The following ARHGEF2 variants were observed in gnomAD, a reference collection of about 807,000 sequenced individuals.
ARHGEF2 encodes the protein Rho/Rac guanine nucleotide exchange factor 2.
In ARHGEF2, 22 loss-of-function variants were observed where a neutral mutation model predicts 121.0. The ratio of observed to expected loss-of-function variants is 0.18; its 90% CI spans 0.13 to 0.26. The LOEUF (loss-of-function observed/expected upper bound fraction) is 0.26, where lower values mean the gene tolerates loss of function less well. ARHGEF2 is among the 10% of genes least tolerant of loss of function. The pLI, the probability that ARHGEF2 is intolerant of heterozygous loss-of-function variation, is 1.00. For missense variants in ARHGEF2, 907 were observed against 1,336.0 expected (o/e 0.68, Z 5.01); for synonymous variants, 487 against 530.0 (o/e 0.92, Z 1.11).
chr1:155,962,500 C>T lies in ARHGEF2; in HGVS notation c.1101+93G>A, dbSNP rs1456266045. The T allele has an allele frequency of 1.3e-6, 2 of 1,554,694 alleles. No homozygotes were observed. The highest frequency in any genetic ancestry group is 2.2e-5 in the East Asian group (1 of 44,488). On this transcript the variant is annotated intron_variant, in intron 9 of 21. Coordinates refer to ENST00000361247, the MANE Select transcript of ARHGEF2 (RefSeq NM_001162383.2). The surrounding 1 kb of genome is among the most constrained non-coding windows in gnomAD (Gnocchi z 5.8). ...GTCTGCACGGGTGGCGAATGCCTGA[C>T]CTCCATGTGGGTGCAGCTCACAGGC...
intron 1 of ARHGEF2, among the ~76,000 whole-genome samples, chr1:155,972,044 C>T (rs985787784): frequency 5.9e-5 from 9 of 152,130 alleles, no homozygotes; most frequent in Non-Finnish European, 8.8e-5. Context: ...CTCTTCCACA[C>T]CTGACCTCTG....
intron 1 of ARHGEF2, chr1:155,970,434 G>GTGACTC: frequency 1.1e-5 from 11 of 985,468 alleles, no homozygotes; most frequent in Non-Finnish European, 1.3e-5. Context: ...TTCCTTAGTT[G>GTGACTC]TGACTCTGAT....
At chr1:155,973,599 G>A (rs1376239765) in intron 1 of ARHGEF2, among the ~76,000 whole-genome samples, 1 of 151,982 alleles carries the variant, frequency 6.6e-6, no homozygotes, top group African/African-American at 2.4e-5. Context: ...TACAAAAATT[G>A]GCCGGGTATG....
At position 155,978,357 on chromosome 1, in the gene ARHGEF2, G is replaced by C. The variant is rs1308125897; in HGVS notation, c.63+8C>G. On this transcript the variant is annotated splice_region_variant and intron_variant, in intron 1 of 21. Transcript: ENST00000361247. The surrounding 1 kb of genome is among the most constrained non-coding windows in gnomAD (Gnocchi z 4.1). The stretch of plus-strand genomic sequence containing the variant: ...CCGCGGCGAAAGGAGAGGGGTTTCC[G>C]AGCCCACCTTGCTCGCCAGCTCTCT... 3 of 1,508,508 alleles carry C rather than the reference G, an allele frequency of 2.0e-6. No individual in the cohort carries two copies. In the East Asian group the frequency reaches 7.8e-5, roughly 39 times the overall value. 93.4% of individuals were successfully genotyped at this position (1,508,508 alleles called of 1,614,324 possible).
Position 155,951,223 on chromosome 1 carries a change from C to T in ARHGEF2, c.2309G>A (p.Gly770Asp), listed in dbSNP as rs1397839771. ...GCACAGCTTCTCCCGCCGCTCAGGG[C>T]CCTCAGGGAACCGGGCTTCCATCAG... ...DTLMEARFPE[G>D]PERREKLCRA... is the part of the protein sequence containing the mutation. Residue 770 changes from glycine (G) to aspartate (D), a missense_variant, in exon 20 of 22, where the codon GGC (glycine) becomes GAC (aspartate). By Grantham distance (94) the Gly-to-Asp change is moderately conservative. Transcript: ENST00000361247. The surrounding 1 kb of genome is among the most constrained non-coding windows in gnomAD (Gnocchi z 5.1). 1.2e-6 allele frequency: 2 copies of T among 1,611,436 alleles called. No homozygotes were observed. The highest frequency in any genetic ancestry group is 2.2e-5 in the East Asian group (1 of 44,832).
intron 1 of ARHGEF2, among the ~76,000 whole-genome samples, chr1:155,977,290 A>T (rs1204756515): frequency 1.3e-5 from 2 of 152,100 alleles, no homozygotes; most frequent in East Asian, 3.9e-4. Context: ...TTCAGCTCTG[A>T]CTTATTCACC....
chr1:155,966,523 A>G, intron 3 of ARHGEF2, 44 bp from the exon 4 acceptor site: 2 of 1,608,692 alleles, frequency 1.2e-6, no homozygotes, highest in Non-Finnish European at 1.7e-6. Flanking sequence ...AATGGCTGTC[A>G]CCCAAGGATC....
At chr1:155,949,696 G>C (rs1054630004) in intron 21 of ARHGEF2, among the ~76,000 whole-genome samples, 1 of 151,644 alleles carries the variant, frequency 6.6e-6, no homozygotes, top group Non-Finnish European at 1.5e-5. Context: ...GGCCAACATA[G>C]TGAAACCCCA....
chr1:155,964,892 CAAAA>C (rs11295795), intron 7 of ARHGEF2, 92 bp downstream of exon 7: 2,058 of 1,112,998 alleles, frequency 1.8e-3, no homozygotes, highest in East Asian at 4.0e-3. Context: ...GACTCCATCT[CAAAA>C]AAAAAAAAAA....
chr1:155,967,289 G>C (rs1386197507), intron 2 of ARHGEF2, among the ~76,000 whole-genome samples: 1 of 152,124 alleles, frequency 6.6e-6, no homozygotes, highest in Non-Finnish European at 1.5e-5. Flanking sequence ...CAGAATGGGG[G>C]CTAGGGGCAG....
chr1:155,979,222 G>C, upstream of ARHGEF2: 1 of 985,494 alleles, frequency 1.0e-6, no homozygotes, highest in South Asian at 4.7e-5. Context: ...TCCTAGCTCC[G>C]CCTCTGCCAG....
intron 1 of ARHGEF2, chr1:155,970,604 TC>T: frequency 1.0e-6 from 1 of 985,304 alleles, no homozygotes. Context: ...GGATTACAGT[TC>T]AGCGGGAAGC....
At position 155,951,734 on chromosome 1, in the gene ARHGEF2, A is replaced by G. The variant is rs375598663; in HGVS notation, c.2208+7T>C. 28 of 1,613,714 alleles carry G rather than the reference A, an allele frequency of 1.7e-5. No homozygotes were observed. In the East Asian group the frequency reaches 6.0e-4, roughly 35 times the overall value. On this transcript the variant is annotated splice_region_variant and intron_variant, in intron 18 of 21. Transcript: ENST00000361247. The surrounding 1 kb of genome is among the most constrained non-coding windows in gnomAD (Gnocchi z 5.1). ...TCAGTCTCCTATACCATCAATTCCC[A>G]TCTCACCTCTTGCGGTGATCTCAGC...
At position 155,954,930 on chromosome 1, in the gene ARHGEF2, C is replaced by G; in HGVS notation, c.1755G>C (p.Glu585Asp). 1 of 1,612,132 alleles carries G rather than the reference C, an allele frequency of 6.2e-7. No individual in the cohort carries two copies. Among genetic ancestry groups the G allele is most frequent in the Non-Finnish European group, 8.5e-7 (1 of 1,179,178 alleles). Reference protein sequence around the residue: ...SREDFPLIETEDEAYLRRIKM... With the variant: ...SREDFPLIETDDEAYLRRIKM... ...TAATTCGCCGCAGGTAAGCCTCATCCTCTGTCTCAATCAGGGGGAAGTCCT... is the reference window on the plus strand; with the variant it reads ...TAATTCGCCGCAGGTAAGCCTCATCGTCTGTCTCAATCAGGGGGAAGTCCT... Residue 585 changes from glutamate (E) to aspartate (D), a missense_variant, in exon 14 of 22, where the codon GAG becomes GAC. Glu to Asp is a conservative substitution (Grantham distance 45, BLOSUM62 2). This residue lies in a region of ARHGEF2 where 432 missense variants were observed against 559.5 expected (regional missense o/e 0.77). Transcript: ENST00000361247.
intron 11 of ARHGEF2, among the ~76,000 whole-genome samples, chr1:155,960,856 GCAGA>G (rs575837024): frequency 1.1e-3 from 165 of 152,314 alleles, no homozygotes; most frequent in African/African-American, 3.9e-3. Context: ...CTTTGCCAGT[GCAGA>G]CAAATTCTGG....
chr1:155,965,688 C>T lies in ARHGEF2; in HGVS notation c.413G>A (p.Arg138His), dbSNP rs1226374102. The change falls in exon 5 of 22, where the codon CGC (arginine) becomes CAC (histidine). Residue 138 changes from arginine to histidine, a missense_variant. Physicochemically the swap from Arg to His is conservative, Grantham distance 29 (BLOSUM62 0). This residue lies in a region of ARHGEF2 where 475 missense variants were observed against 776.5 expected (regional missense o/e 0.61). Coordinates refer to ENST00000361247, the MANE Select transcript of ARHGEF2 (RefSeq NM_001162383.2). The surrounding 1 kb of genome is among the most constrained non-coding windows in gnomAD (Gnocchi z 6.0). ...DSFRQSLLGS[R>H]RGRSSLSLAK... ...TAAAGACAAGGAGGAGCGGCCACGG[C>T]GGGAGCCCAGGAGGGACTGCCGGAA... 2.5e-6 allele frequency: 4 copies of T among 1,609,332 alleles called. No homozygotes were observed. Among genetic ancestry groups the T allele is most frequent in the Non-Finnish European group, 2.5e-6 (3 of 1,178,934 alleles).
rs1253793573 is a variant in ARHGEF2, at chr1:155,978,524, T to C, written c.-97A>G. On this transcript the variant is annotated 5_prime_UTR_variant, in exon 1 of 22. Coordinates refer to ENST00000361247, the MANE Select transcript of ARHGEF2 (RefSeq NM_001162383.2). The surrounding 1 kb of genome is among the most constrained non-coding windows in gnomAD (Gnocchi z 4.1). ...GAGGGGTTCGGCCCGCACGCGTTGGTCTCGGGGACAGGAAGTCTGACTCCC... is the reference window on the plus strand; with the variant it reads ...GAGGGGTTCGGCCCGCACGCGTTGGCCTCGGGGACAGGAAGTCTGACTCCC... The C allele has an allele frequency of 3.1e-6, 4 of 1,290,730 alleles. No homozygotes were observed. The highest frequency in any genetic ancestry group is 3.1e-5 in the African/African-American group (2 of 64,940). 80.0% of individuals were successfully genotyped at this position (1,290,730 alleles called of 1,614,324 possible).
upstream of ARHGEF2, chr1:155,978,750 G>A (rs1444325317): frequency 1.3e-6 from 1 of 792,004 alleles, no homozygotes; most frequent in Non-Finnish European, 1.6e-6. The surrounding 1 kb of genome is among the most constrained non-coding windows in gnomAD (Gnocchi z 4.1). Context: ...CCCCTCCAGC[G>A]CCTGGGGGCG....
chr1:155,947,866 G>T lies in ARHGEF2; in HGVS notation c.*76C>A. The T allele has an allele frequency of 1.2e-6, 1 of 828,850 alleles. No individual in the cohort carries two copies. Among genetic ancestry groups the T allele is most frequent in the Non-Finnish European group, 1.9e-6 (1 of 522,560 alleles). The allele number at this position is 828,850 out of a possible 1,614,324, so 51.3% of individuals were successfully genotyped here. ...TCTTTCAAATGTTCCCTCATCATTG[G>T]CAAATTGGAGTCCCCAAGGTTAGCC... On this transcript the variant is annotated 3_prime_UTR_variant, in exon 22 of 22. Transcript: ENST00000361247.
Sources: allele counts gnomAD v4.1 joint callset (sites outside exome capture counted in the v4.1 genomes callset), GRCh38; gene constraint gnomAD v4.1.1; regional missense constraint gnomAD v4.1.1; non-coding constraint Gnocchi (gnomAD v3.1); transcripts MANE v1.5; gene names NCBI Gene and HGNC (gene_info 2026-07-23, HGNC 2026-07-21).